Variants in MYO5B observed in about 807,000 individuals in gnomAD.
The protein encoded by MYO5B is unconventional myosin-Vb.
Under a neutral mutation model 229.3 loss-of-function variants are expected in MYO5B, and 143 were observed. The observed-to-expected ratio is 0.62, with a 90% confidence interval of 0.54 to 0.72. The LOEUF is 0.72. Ranked by LOEUF, MYO5B falls within the 30% of genes least tolerant of loss-of-function variation. MYO5B has a pLI of 0.00. For synonymous variants in MYO5B, 918 were observed against 885.2 expected (o/e 1.04, Z -0.66); for missense variants, 2,321 against 2,331.0 (o/e 1.00, Z 0.09).
chr18:50,054,166 G>A (rs2030480748), intron 2 of MYO5B, among the ~76,000 whole-genome samples: 1 of 151,992 alleles, frequency 6.6e-6, no homozygotes, highest in African/African-American at 2.4e-5. Context: ...TTCCTGCCTG[G>A]GACACCCTAC....
chr18:50,113,745 C>T (rs754649202), intron 1 of MYO5B, among the ~76,000 whole-genome samples: 117 of 152,304 alleles, frequency 7.7e-4, no homozygotes, highest in East Asian at 3.7e-3. Context: ...GAGGAGCCCC[C>T]TCTTACCCAC....
At chr18:50,187,522 G>T (rs1269673998) in intron 1 of MYO5B, among the ~76,000 whole-genome samples, 1 of 151,666 alleles carries the variant, frequency 6.6e-6, no homozygotes, top group Admixed American at 6.6e-5. Flanking sequence ...TTTTTGGGGG[G>T]GTGGGCGGTG....
At chr18:49,882,965 C>T (rs1455329423) in intron 22 of MYO5B, among the ~76,000 whole-genome samples, 1 of 152,122 alleles carries the variant, frequency 6.6e-6, no homozygotes, top group Non-Finnish European at 1.5e-5. Context: ...CTCTTATGAA[C>T]ATAGATTCAA....
chr18:50,090,940 C>T (rs2031434445), intron 1 of MYO5B, among the ~76,000 whole-genome samples: 1 of 152,212 alleles, frequency 6.6e-6, no homozygotes, highest in Non-Finnish European at 1.5e-5. Context: ...TCTAGCCATG[C>T]TAGGTTCCCA....
intron 1 of MYO5B, among the ~76,000 whole-genome samples, chr18:50,154,977 A>G (rs1188654643): frequency 6.6e-6 from 1 of 152,260 alleles, no homozygotes; most frequent in Non-Finnish European, 1.5e-5. Flanking sequence ...ACAAGGTAGC[A>G]CCACAGACTA....
chr18:49,918,169 C>A (rs978679916), intron 17 of MYO5B, among the ~76,000 whole-genome samples: 14 of 152,210 alleles, frequency 9.2e-5, no homozygotes, highest in African/African-American at 3.1e-4. Context: ...CCGGGTTTAA[C>A]CATCTGCACG....
At chr18:49,884,630 G>A (rs2024623401) in intron 22 of MYO5B, among the ~76,000 whole-genome samples, 1 of 152,120 alleles carries the variant, frequency 6.6e-6, no homozygotes, top group Non-Finnish European at 1.5e-5. Context: ...GAGCAGTGGG[G>A]AGCGGCTGTA....
At chr18:50,080,396 G>A (rs1432661149) in intron 1 of MYO5B, among the ~76,000 whole-genome samples, 1 of 152,084 alleles carries the variant, frequency 6.6e-6, no homozygotes, top group Non-Finnish European at 1.5e-5. Flanking sequence ...AAATCTACAG[G>A]CGAGCCTCTC....
chr18:50,166,308 A>T (rs2032851224), intron 1 of MYO5B, among the ~76,000 whole-genome samples: 1 of 152,188 alleles, frequency 6.6e-6, no homozygotes, highest in Non-Finnish European at 1.5e-5. Flanking sequence ...AACCTTAAGC[A>T]TTCTGTGCCC....
chr18:49,994,332 A>C (rs573455474), intron 5 of MYO5B, among the ~76,000 whole-genome samples: 30 of 152,352 alleles, frequency 2.0e-4, no homozygotes, highest in Non-Finnish European at 3.5e-4. Flanking sequence ...GAGTAAATGA[A>C]CCTGGGTTTC....
intron 1 of MYO5B, among the ~76,000 whole-genome samples, chr18:50,093,222 A>T (rs979355043): frequency 1.4e-4 from 21 of 149,186 alleles, no homozygotes; most frequent in African/African-American, 5.4e-4. Flanking sequence ...ACACACACAC[A>T]CACAGAGAGG....
Position 49,824,761 on chromosome 18 carries a change from T to G in MYO5B, c.*1710A>C, listed in dbSNP as rs1186595343. On this transcript the variant is annotated 3_prime_UTR_variant, in exon 40 of 40. Transcript: ENST00000285039. ...GGGTAAGTGTCATGGACGTCAGTGA[T>G]TATGTAACTGTAACTGAAAGAAAAA... is the stretch of plus-strand genomic sequence containing the variant. 1 of 152,186 alleles carries G rather than the reference T, an allele frequency of 6.6e-6. No individual in the cohort carries two copies. Among genetic ancestry groups the G allele is most frequent in the African/African-American group, 2.4e-5 (1 of 41,448 alleles). The allele number at this position is 152,186 out of a possible 1,614,324, so 9.4% of individuals were successfully genotyped here. A position where few individuals can be genotyped will look rare whatever the true frequency, so the allele number is the denominator to read the frequency against.
intron 31 of MYO5B, chr18:49,849,914 G>A (rs182165154): frequency 1.5e-4 from 75 of 497,844 alleles, no homozygotes; most frequent in African/African-American, 1.3e-3. Flanking sequence ...GCTCTCTGGC[G>A]CCTTGCTGAA....
intron 9 of MYO5B, 40 bp downstream of exon 9, chr18:49,980,404 A>T: frequency 7.2e-7 from 1 of 1,385,882 alleles, no homozygotes; most frequent in Non-Finnish European, 1.0e-6. Flanking sequence ...AACAGGGTAA[A>T]TTGTGTTCAT....
At chr18:50,111,186 T>C (rs892119180) in intron 1 of MYO5B, among the ~76,000 whole-genome samples, 4 of 152,232 alleles carry the variant, frequency 2.6e-5, no homozygotes, top group Non-Finnish European at 5.9e-5. Context: ...CTCAGTAATG[T>C]TGATGCCTTG....
At chr18:50,147,583 T>C (rs1004745754) in intron 1 of MYO5B, among the ~76,000 whole-genome samples, 2 of 152,192 alleles carry the variant, frequency 1.3e-5, no homozygotes, top group Non-Finnish European at 2.9e-5. Context: ...AAAACAGACA[T>C]TGTGCCCATT....
chr18:49,853,487 C>G lies in MYO5B; in HGVS notation c.4183G>C (p.Val1395Leu), dbSNP rs200614244. The G allele has an allele frequency of 6.2e-7, 1 of 1,614,188 alleles. No homozygotes were observed. Among genetic ancestry groups the G allele is most frequent in the South Asian group, 1.1e-5 (1 of 91,082 alleles). Residue 1395 changes from valine to leucine, a missense_variant, in exon 31 of 40, where the codon GTT becomes CTT. By Grantham distance (32) the Val-to-Leu change is conservative (BLOSUM62 1). Transcript: ENST00000285039. ...LSPEAQVEFG[V>L]QQEISRLTNE... ...GTCAGCCGGGATATTTCCTGCTGAA[C>G]GCCGAATTCCACCTGGGCCTCTGGG... is the stretch of plus-strand genomic sequence containing the variant.
intron 2 of MYO5B, among the ~76,000 whole-genome samples, chr18:50,043,363 A>C (rs1364306953): frequency 9.9e-6 from 1 of 101,216 alleles, no homozygotes; most frequent in East Asian, 2.6e-4. Flanking sequence ...ATATAAATAT[A>C]TTATATAATA....
chr18:50,113,918 C>A (rs12456122), intron 1 of MYO5B, among the ~76,000 whole-genome samples: 23,951 of 152,220 alleles, frequency 0.16, 1,994 homozygotes, highest in African/African-American at 0.2. Flanking sequence ...ACACAATTAA[C>A]TCATTTTATC....
Sources: allele counts gnomAD v4.1 joint callset (sites outside exome capture counted in the v4.1 genomes callset), GRCh38; gene constraint gnomAD v4.1.1; transcripts MANE v1.5; gene names NCBI Gene and HGNC (gene_info 2026-07-23, HGNC 2026-07-21).